Variants in F13A1 observed in about 807,000 individuals in gnomAD.
F13A1 encodes FSF, A subunit.
Under a neutral mutation model 80.1 loss-of-function variants are expected in F13A1, and 47 were observed. The observed-to-expected ratio is 0.59, with a 90% CI of 0.46 to 0.75. The LOEUF is 0.75. Among genes scored for constraint, F13A1 ranks in the 30% least tolerant of loss-of-function variants. The pLI is 0.00. For synonymous variants in F13A1, 349 were observed against 344.9 expected (o/e 1.01, Z -0.13); for missense variants, 817 against 930.4 (o/e 0.88, Z 1.59).
intron 6 of F13A1, among the ~76,000 whole-genome samples, chr6:6,247,626 C>T (rs1379055696): frequency 6.6e-6 from 1 of 152,154 alleles, no homozygotes; most frequent in African/African-American, 2.4e-5. Context: ...TCTCTGCATT[C>T]TCAAAGTTGT....
intron 4 of F13A1, among the ~76,000 whole-genome samples, chr6:6,251,746 G>T (rs1393267011): frequency 6.6e-6 from 1 of 152,180 alleles, no homozygotes; most frequent in African/African-American, 2.4e-5. Context: ...TATAATAAAT[G>T]CAAAAGGAAT....
chr6:6,282,223 CT>C (rs1758077116), intron 3 of F13A1, among the ~76,000 whole-genome samples: 1 of 151,990 alleles, frequency 6.6e-6, no homozygotes, highest in South Asian at 2.1e-4. Context: ...AATGTTTCTC[CT>C]TAGATAAATG....
chr6:6,255,467 T>G (rs1016757991), intron 4 of F13A1, among the ~76,000 whole-genome samples: 1 of 152,092 alleles, frequency 6.6e-6, no homozygotes, highest in Non-Finnish European at 1.5e-5. Context: ...AGTCCATGGC[T>G]CTTGGGTCCA....
chr6:6,279,492 G>A (rs1398613905), intron 3 of F13A1, among the ~76,000 whole-genome samples: 4 of 152,100 alleles, frequency 2.6e-5, no homozygotes, highest in African/African-American at 4.8e-5. Context: ...CTGACCCCTC[G>A]TGCTGGGGTC....
At chr6:6,217,109 AG>A (rs1327222229) in intron 8 of F13A1, among the ~76,000 whole-genome samples, 1 of 146,010 alleles carries the variant, frequency 6.8e-6, no homozygotes, top group Non-Finnish European at 1.5e-5. Flanking sequence ...CCATTGTGGA[AG>A]TCAGTGTGGC....
In F13A1 at chr6:6,148,992, TA is replaced by T. The variant is rs67577432; in HGVS notation, c.2045+2820del. Among the ~76,000 whole-genome samples the T allele has an allele frequency of 9.9e-3, 1,456 of 146,902 alleles. 6 individuals carry two copies. Among genetic ancestry groups the T allele is most frequent in the Non-Finnish European group, 0.014 (904 of 66,430 alleles). ...CATGATTTCACTCACATGTAGACAC[TA>T]AAAAAAAAAAAATTATTATACCATA... On this transcript the variant is annotated intron_variant, in intron 14 of 14. Coordinates refer to ENST00000264870, the MANE Select transcript of F13A1 (RefSeq NM_000129.4).
intron 10 of F13A1, among the ~76,000 whole-genome samples, chr6:6,188,061 G>A (rs1406685060): frequency 1.3e-5 from 2 of 151,868 alleles, no homozygotes; most frequent in African/African-American, 4.8e-5. Flanking sequence ...TGTGGGATCG[G>A]TGGTGATATC....
In F13A1 at chr6:6,232,366, T is replaced by C. The variant is rs146357265; in HGVS notation, c.799-7506A>G. ...TTAAAAGAGACAAAGAGGGACATTA[T>C]ATAATGGTAAAAGGCCTTGTCCAAC... On this transcript the variant is annotated intron_variant, in intron 6 of 14. Transcript: ENST00000264870. 5.9e-5 allele frequency among the ~76,000 whole-genome samples: 9 copies of C among 152,304 alleles called. No individual in the cohort carries two copies. In the East Asian group the frequency reaches 1.5e-3, roughly 26 times the overall value.
intron 3 of F13A1, among the ~76,000 whole-genome samples, chr6:6,293,192 T>C (rs1337152538): frequency 6.6e-6 from 1 of 152,132 alleles, no homozygotes; most frequent in Non-Finnish European, 1.5e-5. Context: ...TCATGGACCC[T>C]ACTGTCACTT....
intron 3 of F13A1, among the ~76,000 whole-genome samples, chr6:6,299,890 T>G (rs1216150814): frequency 6.8e-6 from 1 of 147,598 alleles, no homozygotes; most frequent in Non-Finnish European, 1.5e-5. Flanking sequence ...TTATCTACTT[T>G]TGGTCTTTGA....
rs1340779009 is a variant in F13A1, at chr6:6,230,697, C to A, written c.799-5837G>T. On this transcript the variant is annotated intron_variant, in intron 6 of 14. Coordinates refer to ENST00000264870, the MANE Select transcript of F13A1 (RefSeq NM_000129.4). ...ACCCTAACAGTGTCCATTGTACCCC[C>A]TGCCACCTCCACCGGAATAGGCGCT... 2.0e-5 allele frequency among the ~76,000 whole-genome samples: 3 copies of A among 152,194 alleles called. No homozygotes were observed. The East Asian group carries it at 5.8e-4, about 29-fold the overall frequency.
At chr6:6,182,478 C>G (rs544156353) in intron 10 of F13A1, among the ~76,000 whole-genome samples, 1 of 152,160 alleles carries the variant, frequency 6.6e-6, no homozygotes. Flanking sequence ...GCTTGCTTCC[C>G]TGGACTTCTT....
intron 6 of F13A1, among the ~76,000 whole-genome samples, chr6:6,242,690 GC>G (rs750793138): frequency 6.6e-6 from 1 of 152,036 alleles, no homozygotes; most frequent in Non-Finnish European, 1.5e-5. Context: ...AAACAAACAA[GC>G]CCCCAGAAGA....
chr6:6,239,918 G>A (rs78725089), intron 6 of F13A1, among the ~76,000 whole-genome samples: 3,953 of 152,226 alleles, frequency 0.026, 178 homozygotes, highest in African/African-American at 0.09. Context: ...GAAAGAAAGA[G>A]GGTATGAAGG....
chr6:6,222,742 A>G (rs1353660417), intron 7 of F13A1, among the ~76,000 whole-genome samples: 1 of 152,234 alleles, frequency 6.6e-6, no homozygotes, highest in African/African-American at 2.4e-5. Flanking sequence ...GACACCAGAC[A>G]TCAGGGCTCA....
chr6:6,178,741 A>G (rs1760928076), intron 11 of F13A1, among the ~76,000 whole-genome samples: 1 of 152,162 alleles, frequency 6.6e-6, no homozygotes, highest in Non-Finnish European at 1.5e-5. Context: ...AAGAGGTAGG[A>G]AAAGAGGGTC....
At chr6:6,320,434 G>A (rs924329673) in intron 1 of F13A1, among the ~76,000 whole-genome samples, 153 bp downstream of exon 1, 6 of 152,172 alleles carry the variant, frequency 3.9e-5, no homozygotes, top group African/African-American at 1.4e-4. Flanking sequence ...GTGCGGAGTT[G>A]GGGGCGGGAA....
At chr6:6,218,532 G>A (rs934915735) in intron 8 of F13A1, among the ~76,000 whole-genome samples, 18 of 152,260 alleles carry the variant, frequency 1.2e-4, no homozygotes, top group Admixed American at 2.0e-4. Flanking sequence ...TGCCCACTTG[G>A]GGTTTCATTT....
intron 3 of F13A1, among the ~76,000 whole-genome samples, chr6:6,295,005 T>G (rs1190084738): frequency 6.8e-6 from 1 of 146,958 alleles, no homozygotes; most frequent in African/African-American, 2.7e-5. Flanking sequence ...TTTGGTTTTT[T>G]GTTCTTGCGA....
Sources: allele counts gnomAD v4.1 joint callset (sites outside exome capture counted in the v4.1 genomes callset), GRCh38; gene constraint gnomAD v4.1.1; transcripts MANE v1.5; gene names NCBI Gene and HGNC (gene_info 2026-07-23, HGNC 2026-07-21).